The following VPS13B variants were observed in gnomAD, a reference collection of about 807,000 sequenced individuals.
VPS13B encodes the protein vacuolar protein sorting 13 homolog B, also known as intermembrane lipid transfer protein VPS13B.
VPS13B carries 285 observed loss-of-function variants against 426.4 expected under a neutral mutation model. The ratio of observed to expected loss-of-function variants is 0.67; its 90% CI spans 0.61 to 0.74. The LOEUF (loss-of-function observed/expected upper bound fraction) is 0.74, where lower values mean the gene tolerates loss of function less well. Among genes scored for constraint, VPS13B ranks in the 30% least tolerant of loss-of-function variants. VPS13B has a pLI of 0.00. For missense variants in VPS13B, 4,537 were observed against 4,782.6 expected (o/e 0.95, Z 1.51); for synonymous variants, 1,676 against 1,676.4 (o/e 1.00, Z 0.01).
At chr8:99,463,628 C>T (rs989265587) in intron 23 of VPS13B, among the ~76,000 whole-genome samples, 1 of 152,112 alleles carries the variant, frequency 6.6e-6, no homozygotes, top group African/African-American at 2.4e-5. Flanking sequence ...TCTTGATTTT[C>T]TTTAAAGTAC....
intron 23 of VPS13B, among the ~76,000 whole-genome samples, chr8:99,450,513 G>C (rs897398310): frequency 1.3e-5 from 2 of 152,118 alleles, no homozygotes; most frequent in African/African-American, 2.4e-5. Context: ...AGGAGATCAA[G>C]ACCATCCTAG....
At chr8:99,219,283 A>G (rs1815555256) in intron 17 of VPS13B, among the ~76,000 whole-genome samples, 1 of 152,190 alleles carries the variant, frequency 6.6e-6, no homozygotes, top group African/African-American at 2.4e-5. Flanking sequence ...AGCTGGAGCT[A>G]AGATAAAACA....
intron 35 of VPS13B, among the ~76,000 whole-genome samples, chr8:99,691,904 TA>T (rs1421521327): frequency 1.3e-5 from 2 of 149,298 alleles, no homozygotes; most frequent in East Asian, 3.9e-4. Flanking sequence ...TAGTCTCTGA[TA>T]AAACAGACTT....
chr8:99,543,653 G>T (rs1184583990), intron 30 of VPS13B, among the ~76,000 whole-genome samples: 1 of 149,602 alleles, frequency 6.7e-6, no homozygotes, highest in African/African-American at 2.4e-5. Flanking sequence ...GTGGGCAAAG[G>T]ACATGAACAG....
chr8:99,653,171 G>A (rs1829890212), intron 34 of VPS13B, among the ~76,000 whole-genome samples: 2 of 152,150 alleles, frequency 1.3e-5, no homozygotes, highest in South Asian at 4.1e-4. Flanking sequence ...TTCAAGTGAG[G>A]TGATATTTAT....
At position 99,680,174 on chromosome 8, in the gene VPS13B, A is replaced by C. The variant is rs142673202; in HGVS notation, c.6046+18683A>C. On this transcript the variant is annotated intron_variant, in intron 35 of 61. Transcript: ENST00000357162. ...GAGTATAACAAGCCATATTGAATTC[A>C]TTGGGTTTTTGGTAATAGATTTCAT... Among the ~76,000 whole-genome samples the C allele has an allele frequency of 2.8e-3, 423 of 152,260 alleles. 3 individuals are homozygous for C. The highest frequency in any genetic ancestry group is 9.9e-3 in the African/African-American group (411 of 41,564).
At chr8:99,057,701 A>T (rs550375846) in intron 3 of VPS13B, among the ~76,000 whole-genome samples, 3 of 152,326 alleles carry the variant, frequency 2.0e-5, no homozygotes, top group Admixed American at 6.5e-5. Flanking sequence ...AACTGAAATC[A>T]TCTTAAACCT....
chr8:99,236,467 C>T (rs955815866), intron 17 of VPS13B, among the ~76,000 whole-genome samples: 2 of 152,148 alleles, frequency 1.3e-5, no homozygotes, highest in Non-Finnish European at 2.9e-5. Flanking sequence ...CCAGGCTGGT[C>T]TTGAACTCCT....
chr8:99,186,227 A>C (rs1426558364), intron 16 of VPS13B, among the ~76,000 whole-genome samples: 1 of 152,162 alleles, frequency 6.6e-6, no homozygotes, highest in South Asian at 2.1e-4. Flanking sequence ...TCAAAATATT[A>C]GGTAAGTCCA....
At chr8:99,827,634 T>A (rs1248250347) in intron 51 of VPS13B, among the ~76,000 whole-genome samples, 1 of 151,922 alleles carries the variant, frequency 6.6e-6, no homozygotes, top group East Asian at 1.9e-4. Flanking sequence ...GCTTTTGAAT[T>A]TTTTTGCTCT....
At chr8:99,736,515 A>G (rs891903322) in intron 39 of VPS13B, among the ~76,000 whole-genome samples, 48 of 152,328 alleles carry the variant, frequency 3.2e-4, no homozygotes, top group African/African-American at 1.1e-3. Flanking sequence ...CAGATGTTGC[A>G]GTGAGCTGGA....
intron 33 of VPS13B, among the ~76,000 whole-genome samples, chr8:99,626,645 G>A (rs569946779): frequency 6.6e-5 from 10 of 152,300 alleles, no homozygotes; most frequent in East Asian, 1.9e-4. Context: ...ACAAGTTTGC[G>A]AGGATGCGGA....
intron 20 of VPS13B, among the ~76,000 whole-genome samples, chr8:99,385,218 A>T (rs1588316666): frequency 6.6e-6 from 1 of 152,336 alleles, no homozygotes; most frequent in East Asian, 1.9e-4. Context: ...ATGCTTATTG[A>T]GATTCATTTA....
chr8:99,454,582 A>G (rs921053082), intron 23 of VPS13B, among the ~76,000 whole-genome samples: 5 of 152,234 alleles, frequency 3.3e-5, no homozygotes, highest in African/African-American at 9.6e-5. Context: ...TTTTAAATAA[A>G]GCCGCTATAT....
intron 34 of VPS13B, among the ~76,000 whole-genome samples, chr8:99,642,838 A>G (rs1002046094): frequency 2.0e-5 from 3 of 152,196 alleles, no homozygotes; most frequent in Non-Finnish European, 2.9e-5. Context: ...TATGCTTTCC[A>G]TGTTAATGCT....
intron 19 of VPS13B, among the ~76,000 whole-genome samples, chr8:99,354,890 G>A (rs899879641): frequency 1.3e-5 from 2 of 151,966 alleles, no homozygotes; most frequent in Admixed American, 6.6e-5. Flanking sequence ...GCTCTGATTC[G>A]GGCAACACTC....
At chr8:99,233,164 A>C (rs1588160228) in intron 17 of VPS13B, 2 of 1,402,364 alleles carry the variant, frequency 1.4e-6, no homozygotes, top group East Asian at 4.6e-5. Context: ...GAAGTGCCCG[A>C]TAATTCTGAT....
intron 36 of VPS13B, among the ~76,000 whole-genome samples, chr8:99,714,833 A>T (rs1215045755): frequency 6.6e-6 from 1 of 152,216 alleles, no homozygotes; most frequent in African/African-American, 2.4e-5. Context: ...TCACATATTA[A>T]AGAATATTAA....
intron 17 of VPS13B, among the ~76,000 whole-genome samples, chr8:99,204,647 T>G (rs560311144): frequency 6.6e-6 from 1 of 152,188 alleles, no homozygotes; most frequent in Non-Finnish European, 1.5e-5. Flanking sequence ...TACAAGGAAC[T>G]TAAACACATT....
Sources: allele counts gnomAD v4.1 joint callset (sites outside exome capture counted in the v4.1 genomes callset), GRCh38; gene constraint gnomAD v4.1.1; transcripts MANE v1.5; gene names NCBI Gene and HGNC (gene_info 2026-07-23, HGNC 2026-07-21).